The following DDAH1 variants were observed in gnomAD, a reference collection of about 807,000 sequenced individuals.
DDAH1 encodes dimethylarginine dimethylaminohydrolase 1.
DDAH1 carries 19 observed loss-of-function variants against 28.8 expected under a neutral mutation model. That is an observed-to-expected ratio of 0.66 (90% CI 0.46 to 0.97). The LOEUF (loss-of-function observed/expected upper bound fraction) is 0.97, where lower values mean the gene tolerates loss of function less well. Ranked by LOEUF, DDAH1 falls within the 50% of genes least tolerant of loss-of-function variation. The pLI is 0.00. For missense variants in DDAH1, 326 were observed against 375.9 expected (o/e 0.87, Z 1.10); for synonymous variants, 153 against 154.4 (o/e 0.99, Z 0.07).
In DDAH1 at chr1:85,464,817, C is replaced by G. The variant is rs1655283774; in HGVS notation, c.229G>C (p.Val77Leu). 1 of 1,588,756 alleles carries G rather than the reference C, an allele frequency of 6.3e-7. No individual in the cohort carries two copies. Among genetic ancestry groups the G allele is most frequent in the Non-Finnish European group, 8.5e-7 (1 of 1,174,666 alleles). ...TCGCACACCACGGCCACGTCCTCCA[C>G]GAAGACGCAGTCCGGAAGGCTCTCG... ...ADESLPDCVFVEDVAVVCEET... is the reference protein window; with the variant it reads ...ADESLPDCVFLEDVAVVCEET... Residue 77 changes from valine (V) to leucine (L), a missense_variant, in exon 1 of 6, where the codon GTG becomes CTG. Physicochemically the swap from Val to Leu is conservative, Grantham distance 32. Transcript: ENST00000284031. The surrounding 1 kb of genome is among the most constrained non-coding windows in gnomAD (Gnocchi z 4.4).
Position 85,479,298 on chromosome 1 carries a change from C to A in DDAH1, c.-7+16868G>T, listed in dbSNP as rs566352636. ...ACGCCATTCTCCTGCCTCAGCCTCC[C>A]GAGTAGCTGGGACTACAGGCGCCCG... On this transcript the variant is annotated intron_variant, in intron 2 of 6. Transcript: ENST00000426972. Among the ~76,000 whole-genome samples, 4 of 150,930 alleles carry A rather than the reference C, an allele frequency of 2.7e-5. No individual in the cohort carries two copies. The South Asian group carries it at 6.3e-4, about 24-fold the overall frequency.
At chr1:85,562,996 T>C (rs114316461) in intron 1 of DDAH1, among the ~76,000 whole-genome samples, 3,036 of 152,246 alleles carry the variant, frequency 0.02, 107 homozygotes, top group African/African-American at 0.07. Flanking sequence ...TTTTCAGACA[T>C]AGGACATCAA....
At chr1:85,342,745 G>C (rs1024662988) in intron 4 of DDAH1, among the ~76,000 whole-genome samples, 1 of 152,064 alleles carries the variant, frequency 6.6e-6, no homozygotes, top group Non-Finnish European at 1.5e-5. Flanking sequence ...CACATTATTC[G>C]GGATTGTAAG....
chr1:85,350,562 T>G (rs1376757791), intron 3 of DDAH1, 28 bp from the exon 4 acceptor site: 2 of 1,607,244 alleles, frequency 1.2e-6, no homozygotes, highest in South Asian at 2.2e-5. Context: ...AAACAAGCAG[T>G]TTAGTATTGC....
chr1:85,529,193 A>G (rs1421393071), intron 1 of DDAH1, among the ~76,000 whole-genome samples: 2 of 152,096 alleles, frequency 1.3e-5, no homozygotes, highest in African/African-American at 4.8e-5. Context: ...TCATTCTGTA[A>G]TGTGAATCCT....
At chr1:85,480,658 T>A (rs1330195256) in intron 2 of DDAH1, among the ~76,000 whole-genome samples, 1 of 152,120 alleles carries the variant, frequency 6.6e-6, no homozygotes, top group Non-Finnish European at 1.5e-5. Flanking sequence ...GGGATGAGAA[T>A]CACTTGAATT....
At chr1:85,569,730 T>C (rs1248378702) in intron 1 of DDAH1, among the ~76,000 whole-genome samples, 1 of 152,198 alleles carries the variant, frequency 6.6e-6, no homozygotes, top group Non-Finnish European at 1.5e-5. Context: ...CAAGGACTTC[T>C]CCTCTATTCA....
intron 2 of DDAH1, among the ~76,000 whole-genome samples, chr1:85,477,142 C>T (rs1488744928): frequency 1.3e-5 from 2 of 152,092 alleles, no homozygotes; most frequent in East Asian, 3.9e-4. Context: ...AGAGAAATTA[C>T]CAAACTGAGC....
chr1:85,393,380 G>C (rs1301120627), intron 1 of DDAH1, among the ~76,000 whole-genome samples: 1 of 152,104 alleles, frequency 6.6e-6, no homozygotes, highest in East Asian at 1.9e-4. Flanking sequence ...CATGAGTCCA[G>C]GCAAAGAAAA....
chr1:85,555,908 T>C (rs1258263358), intron 1 of DDAH1, among the ~76,000 whole-genome samples: 1 of 152,222 alleles, frequency 6.6e-6, no homozygotes, highest in Non-Finnish European at 1.5e-5. Flanking sequence ...TTAAGCATTA[T>C]ATAAATACAC....
intron 2 of DDAH1, among the ~76,000 whole-genome samples, chr1:85,473,299 T>G (rs567018222): frequency 5.3e-4 from 81 of 152,288 alleles, no homozygotes; most frequent in African/African-American, 1.8e-3. Context: ...ATTTTTTCAG[T>G]TTTTCAGAGC....
chr1:85,542,308 G>A (rs1347957064), intron 1 of DDAH1, among the ~76,000 whole-genome samples: 2 of 152,176 alleles, frequency 1.3e-5, no homozygotes, highest in African/African-American at 4.8e-5. Flanking sequence ...CACCAAGAGT[G>A]AATATTCCTG....
intron 1 of DDAH1, among the ~76,000 whole-genome samples, chr1:85,401,100 A>C (rs563110681): frequency 9.8e-5 from 15 of 152,328 alleles, no homozygotes; most frequent in African/African-American, 3.1e-4. Context: ...AACACTTTTG[A>C]GTACAGCAGA....
chr1:85,534,432 T>C (rs1329584838), intron 1 of DDAH1, among the ~76,000 whole-genome samples: 19 of 151,900 alleles, frequency 1.3e-4, no homozygotes, highest in Admixed American at 1.2e-3. Flanking sequence ...GAGTGTTGTG[T>C]GAAAAAAAAG....
intron 1 of DDAH1, among the ~76,000 whole-genome samples, chr1:85,422,669 G>A (rs1170019891): frequency 6.6e-6 from 1 of 152,162 alleles, no homozygotes; most frequent in African/African-American, 2.4e-5. Context: ...GCCACTGAGT[G>A]GTGCTATGGA....
intron 1 of DDAH1, among the ~76,000 whole-genome samples, chr1:85,566,688 G>A (rs1288564080): frequency 6.6e-6 from 1 of 152,064 alleles, no homozygotes; most frequent in Non-Finnish European, 1.5e-5. Context: ...TCAGAACAAA[G>A]AATATTACTA....
At chr1:85,503,565 C>CTATCTATCTATA (rs1403605064) in intron 1 of DDAH1, among the ~76,000 whole-genome samples, 43 of 151,916 alleles carry the variant, frequency 2.8e-4, no homozygotes, top group Non-Finnish European at 1.2e-4. Context: ...ATCTATCTAT[C>CTATCTATCTATA]TATCCATCTA....
At chr1:85,377,098 A>G (rs1212061011) in intron 1 of DDAH1, among the ~76,000 whole-genome samples, 1 of 152,198 alleles carries the variant, frequency 6.6e-6, no homozygotes, top group East Asian at 1.9e-4. Flanking sequence ...AAAACTCACA[A>G]GAGACATTTG....
intron 1 of DDAH1, among the ~76,000 whole-genome samples, chr1:85,541,781 C>T (rs1330534410): frequency 6.6e-6 from 1 of 152,130 alleles, no homozygotes; most frequent in Non-Finnish European, 1.5e-5. Context: ...AGATTAGGGT[C>T]CTGGTAAAAG....
Sources: allele counts gnomAD v4.1 joint callset (sites outside exome capture counted in the v4.1 genomes callset), GRCh38; gene constraint gnomAD v4.1.1; non-coding constraint Gnocchi (gnomAD v3.1); transcripts MANE v1.5; gene names NCBI Gene and HGNC (gene_info 2026-07-23, HGNC 2026-07-21).